The following RBFOX1 variants were observed in gnomAD, a reference collection of about 807,000 sequenced individuals.
RBFOX1 encodes the protein RNA binding protein fox-1 homolog 1.
A neutral mutation model predicts 57.7 loss-of-function variants in RBFOX1; 8 were observed. That is an observed-to-expected ratio of 0.14 (90% CI 0.08 to 0.25). The LOEUF (loss-of-function observed/expected upper bound fraction) is 0.25. RBFOX1 is among the 10% of genes least tolerant of loss of function. The pLI, the probability that RBFOX1 is intolerant of heterozygous loss-of-function variation, is 1.00. For synonymous variants in RBFOX1, 326 were observed against 222.4 expected (o/e 1.47, Z -4.15); for missense variants, 611 against 548.5 (o/e 1.11, Z -1.14).
chr16:5,294,084 C>G (rs555275001), intron 1 of RBFOX1, among the ~76,000 whole-genome samples: 2 of 152,246 alleles, frequency 1.3e-5, no homozygotes, highest in Admixed American at 1.3e-4. Context: ...CAAAAATTAG[C>G]TAGGCGTGGT....
intron 3 of RBFOX1, among the ~76,000 whole-genome samples, chr16:5,660,432 C>A (rs2049607796): frequency 6.6e-6 from 1 of 152,106 alleles, no homozygotes; most frequent in South Asian, 2.1e-4. Flanking sequence ...AGATACTGTC[C>A]TCTAGATGCT....
chr16:7,052,655 C>T (rs1024558564), intron 4 of RBFOX1, among the ~76,000 whole-genome samples: 6 of 152,162 alleles, frequency 3.9e-5, no homozygotes, highest in African/African-American at 7.2e-5. Context: ...TCTTGGTGCT[C>T]AGGCATATCG....
At chr16:6,834,201 G>A (rs1002034861) in intron 3 of RBFOX1, among the ~76,000 whole-genome samples, 23 of 151,982 alleles carry the variant, frequency 1.5e-4, no homozygotes, top group African/African-American at 4.1e-4. Context: ...AGCCTCCCAG[G>A]TAGCTGGGAT....
chr16:6,128,773 A>T (rs2096608312), intron 1 of RBFOX1, among the ~76,000 whole-genome samples: 1 of 152,354 alleles, frequency 6.6e-6, no homozygotes, highest in Admixed American at 6.5e-5. Context: ...GCTCTGAGCT[A>T]GATGGTAAAA....
At chr16:5,517,211 G>T (rs2043824732) in intron 2 of RBFOX1, among the ~76,000 whole-genome samples, 1 of 152,100 alleles carries the variant, frequency 6.6e-6, no homozygotes, top group Non-Finnish European at 1.5e-5. Context: ...AAAGGAGATT[G>T]GTGTATCTCA....
At position 6,004,665 on chromosome 16, in the gene RBFOX1, T is replaced by C. The variant is rs569690201; in HGVS notation, c.351+137330T>C. On this transcript the variant is annotated intron_variant, in intron 4 of 19. Transcript: ENST00000641259. ...ATTTCTCTCTCCAGAATGGTCTATTTAATGCCCCTTGCCTTGAGATAGTGT... is the reference window on the plus strand; with the variant it reads ...ATTTCTCTCTCCAGAATGGTCTATTCAATGCCCCTTGCCTTGAGATAGTGT... Among the ~76,000 whole-genome samples, 5 of 152,350 alleles carry C rather than the reference T, an allele frequency of 3.3e-5. No individual in the cohort carries two copies. In the East Asian group the frequency reaches 7.7e-4, roughly 24 times the overall value.
chr16:7,049,688 C>T (rs982153), intron 3 of RBFOX1, among the ~76,000 whole-genome samples: 1 of 151,738 alleles, frequency 6.6e-6, no homozygotes, highest in East Asian at 2.0e-4. Context: ...TCGTTTTGTT[C>T]CCCCCTCCAC....
chr16:5,870,010 G>T (rs1390810312), intron 4 of RBFOX1, among the ~76,000 whole-genome samples: 3 of 151,764 alleles, frequency 2.0e-5, no homozygotes, highest in African/African-American at 7.3e-5. Flanking sequence ...TTATCTATAG[G>T]TGTATGACAC....
intron 2 of RBFOX1, among the ~76,000 whole-genome samples, chr16:6,345,384 C>T (rs140118023): frequency 2.6e-5 from 4 of 152,194 alleles, no homozygotes; most frequent in African/African-American, 9.7e-5. Flanking sequence ...AATTAAGGGG[C>T]AGATGATACA....
In RBFOX1 at chr16:6,845,822, C is replaced by T. The variant is rs547215087; in HGVS notation, c.-16+191172C>T. ...TTCATATTTTAGAGACTTTGTACCT[C>T]TTCCTTACCCCTCTTGGGATAATCT... On this transcript the variant is annotated intron_variant, in intron 3 of 15. Coordinates refer to ENST00000550418, the MANE Select transcript of RBFOX1 (RefSeq NM_018723.4). Among the ~76,000 whole-genome samples the T allele has an allele frequency of 2.6e-5, 4 of 152,360 alleles. No individual in the cohort carries two copies. The South Asian group carries it at 8.3e-4, about 32-fold the overall frequency.
chr16:7,017,426 T>C (rs1390657344), intron 3 of RBFOX1, among the ~76,000 whole-genome samples: 1 of 152,176 alleles, frequency 6.6e-6, no homozygotes, highest in African/African-American at 2.4e-5. Context: ...ATGAGATAAA[T>C]CTTGGCCCCA....
At chr16:6,118,693 T>C (rs551226381) in intron 1 of RBFOX1, among the ~76,000 whole-genome samples, 3 of 150,030 alleles carry the variant, frequency 2.0e-5, no homozygotes, top group East Asian at 3.9e-4. Flanking sequence ...CCTTCCTTTC[T>C]TCCTTCCTTC....
At chr16:7,609,884 C>T (rs2057090071) in intron 10 of RBFOX1, among the ~76,000 whole-genome samples, 1 of 152,002 alleles carries the variant, frequency 6.6e-6, no homozygotes, top group South Asian at 2.1e-4. Context: ...GTGGCGCGGT[C>T]TCAGTTCACT....
Position 7,501,726 on chromosome 16 carries a change from C to T in RBFOX1, c.28-16421C>T, listed in dbSNP as rs562805077. Among the ~76,000 whole-genome samples the T allele has an allele frequency of 2.6e-5, 4 of 152,322 alleles. No homozygotes were observed. In the South Asian group the frequency reaches 8.3e-4, roughly 32 times the overall value. ...TCTGTATCCTACCACCTGGCTGCTT[C>T]CTGCTCTTCAAGAACATCAGGTTAG... On this transcript the variant is annotated intron_variant, in intron 4 of 15. Transcript: ENST00000550418.
At chr16:5,957,340 G>A (rs370085047) in intron 4 of RBFOX1, among the ~76,000 whole-genome samples, 6 of 151,966 alleles carry the variant, frequency 3.9e-5, no homozygotes, top group South Asian at 2.1e-4. Flanking sequence ...TCAGCCTCCC[G>A]AGTAGCTGGG....
intron 3 of RBFOX1, among the ~76,000 whole-genome samples, chr16:5,774,835 A>G (rs1250098584): frequency 2.6e-5 from 4 of 152,128 alleles, no homozygotes; most frequent in Admixed American, 2.6e-4. Context: ...GGCACGTGCC[A>G]CCACACCTAG....
intron 3 of RBFOX1, among the ~76,000 whole-genome samples, chr16:6,923,288 C>G (rs1009428979): frequency 1.3e-5 from 2 of 152,266 alleles, no homozygotes; most frequent in African/African-American, 2.4e-5. Context: ...AATCCCAGAA[C>G]TTTGGGATGC....
intron 5 of RBFOX1, among the ~76,000 whole-genome samples, chr16:7,527,769 C>G (rs972594287): frequency 2.0e-5 from 3 of 152,090 alleles, no homozygotes; most frequent in African/African-American, 7.2e-5. Context: ...AACATTCTAC[C>G]AGATCGACCA....
chr16:6,828,496 C>G (rs2092411520), intron 3 of RBFOX1, among the ~76,000 whole-genome samples: 1 of 151,788 alleles, frequency 6.6e-6, no homozygotes, highest in Non-Finnish European at 1.5e-5. Flanking sequence ...TGCACTCCAG[C>G]CTGGCAACAG....
Sources: gnomAD v4.1 joint callset for allele counts (sites outside exome capture counted in the v4.1 genomes callset) on GRCh38, gnomAD v4.1.1 for gene constraint, MANE v1.5 for transcripts, NCBI Gene and HGNC (gene_info 2026-07-23, HGNC 2026-07-21) for gene names.